CYP11A1: variants seen among roughly 807,000 people sequenced by gnomAD.
CYP11A1 encodes the protein cholesterol side-chain cleavage enzyme, mitochondrial.
CYP11A1 carries 25 observed loss-of-function variants against 51.9 expected under a neutral mutation model. The observed-to-expected ratio is 0.48, with a 90% CI of 0.35 to 0.67. The LOEUF (loss-of-function observed/expected upper bound fraction) is 0.67, where lower values mean the gene tolerates loss of function less well. Among genes scored for constraint, CYP11A1 ranks in the 30% least tolerant of loss-of-function variants. The pLI is 0.00. For synonymous variants in CYP11A1, 245 were observed against 262.1 expected (o/e 0.93, Z 0.63); for missense variants, 578 against 680.9 (o/e 0.85, Z 1.68).
intron 5 of CYP11A1, 48 bp from the exon 6 acceptor site, chr15:74,339,801 G>A (rs375917443): frequency 6.1e-5 from 98 of 1,598,808 alleles, no homozygotes; most frequent in South Asian, 3.3e-4. Context: ...CTGTCACTCC[G>A]GGGCCCCTTG....
intron 7 of CYP11A1, 104 bp from the exon 8 acceptor site, chr15:74,338,872 C>T (rs1025181635): frequency 5.9e-5 from 62 of 1,049,132 alleles, no homozygotes; most frequent in Non-Finnish European, 8.7e-5. Flanking sequence ...CACTCCCACT[C>T]CCCAGCATGG....
chr15:74,339,442 G>T (rs2060595834), intron 6 of CYP11A1, 127 bp from the exon 7 acceptor site: 7 of 1,395,380 alleles, frequency 5.0e-6, no homozygotes, highest in Admixed American at 3.7e-5. Flanking sequence ...GTAGGGCCCT[G>T]GCTCTATTTC....
chr15:74,357,812 T>C (rs1312467747), intron 1 of CYP11A1, among the ~76,000 whole-genome samples: 1 of 152,336 alleles, frequency 6.6e-6, no homozygotes, highest in South Asian at 2.1e-4. Context: ...TTAATACTTT[T>C]AGAGGCCCTC....
intron 4 of CYP11A1, among the ~76,000 whole-genome samples, 155 bp downstream of exon 4, chr15:74,343,634 C>T (rs2060618354): frequency 6.6e-6 from 1 of 152,242 alleles, no homozygotes; most frequent in South Asian, 2.1e-4. Flanking sequence ...TCCGCCATTT[C>T]CAGGGGTCCC....
chr15:74,360,329 G>T (rs2060701887), intron 1 of CYP11A1, among the ~76,000 whole-genome samples: 1 of 151,912 alleles, frequency 6.6e-6, no homozygotes, highest in East Asian at 1.9e-4. Context: ...CCCCCAGGCT[G>T]GAGTGCAGTG....
chr15:74,347,878 T>C, intron 2 of CYP11A1, 22 bp downstream of exon 2: 1 of 1,613,228 alleles, frequency 6.2e-7, no homozygotes, highest in Non-Finnish European at 8.5e-7. Context: ...CTCCAGTCCC[T>C]GGGAGATGGC....
At chr15:74,350,285 G>C (rs1423312990) in intron 1 of CYP11A1, 1 of 198,390 alleles carries the variant, frequency 5.0e-6, no homozygotes, top group Non-Finnish European at 1.2e-5. Context: ...CTTTGTGTTA[G>C]GAAAAAAACC....
At chr15:74,360,490 T>G (rs796349785) in intron 1 of CYP11A1, among the ~76,000 whole-genome samples, 2 of 151,944 alleles carry the variant, frequency 1.3e-5, no homozygotes, top group African/African-American at 4.8e-5. Context: ...TTTACCATCT[T>G]GGCTAGGCTG....
chr15:74,352,240 G>A (rs1430478432), intron 1 of CYP11A1, among the ~76,000 whole-genome samples: 1 of 143,814 alleles, frequency 7.0e-6, no homozygotes, highest in African/African-American at 2.6e-5. Flanking sequence ...CATTTTGTTT[G>A]AATTTTATGT....
rs368858668 is a variant in CYP11A1 at position 74,343,928 on chromosome 15, G to A, written c.690C>T (p.Ala230=). ...GGTAGATGGCATCAATGAATCGCTGGGCCTCGGGGTTCACTACTTCCTCCA... is the reference window on the plus strand; with the variant it reads ...GGTAGATGGCATCAATGAATCGCTGAGCCTCGGGGTTCACTACTTCCTCCA... ...GMLEEVVNPE[A]QRFIDAIYQM... is the part of the protein sequence containing the mutation. The change falls in exon 4 of 9, where the codon GCC becomes GCT. Residue 230 remains alanine, a synonymous_variant. Coordinates refer to ENST00000268053, the MANE Select transcript of CYP11A1 (RefSeq NM_000781.3). The A allele has an allele frequency of 3.1e-6, 5 of 1,613,984 alleles. No homozygotes were observed. The African/African-American group carries it at 6.7e-5, about 22-fold the overall frequency.
rs564388587 is a variant in CYP11A1 at position 74,348,661 on chromosome 15, G to A, written c.270-606C>T. 3.9e-5 allele frequency among the ~76,000 whole-genome samples: 6 copies of A among 152,258 alleles called. No homozygotes were observed. In the East Asian group the frequency reaches 1.2e-3, roughly 29 times the overall value. Reference sequence around the variant, plus strand: ...AAATAAAACTTCAGTAAAACATCAAGCCCCAACATACAGGCAGGGGAGACA... The same window carrying A: ...AAATAAAACTTCAGTAAAACATCAAACCCCAACATACAGGCAGGGGAGACA... On this transcript the variant is annotated intron_variant, in intron 1 of 8. Transcript: ENST00000268053.
In CYP11A1 at chr15:74,345,078, G is replaced by A. The variant is rs2060626107; in HGVS notation, c.591C>T (p.Asp197=). 1.2e-6 allele frequency: 2 copies of A among 1,613,998 alleles called. No individual in the cohort carries two copies. The highest frequency in any genetic ancestry group is 1.7e-6 in the Non-Finnish European group (2 of 1,179,896). ...KKAGSGNYSG[D]ISDDLFRFAF... ...CAAAGCGGAACAGGTCATCACTGAT[G>A]TCCCCCGAGTAATTTCCGGAGCCCG... The change falls in exon 3 of 9, where the codon GAC becomes GAT. Residue 197 remains aspartate, a synonymous_variant. Coordinates refer to ENST00000268053, the MANE Select transcript of CYP11A1 (RefSeq NM_000781.3). The surrounding 1 kb of genome is among the most constrained non-coding windows in gnomAD (Gnocchi z 4.3).
rs2060675298 is a variant in CYP11A1, at chr15:74,355,543, C to T, written c.270-7488G>A. 4.6e-5 allele frequency among the ~76,000 whole-genome samples: 7 copies of T among 152,088 alleles called. No individual in the cohort carries two copies. In the South Asian group the frequency reaches 1.5e-3, roughly 32 times the overall value. ...TTTCTACCGACCCATCTGACCTCTC[C>T]CCTCATCCCCAGACTGCTCCTCAGG... On this transcript the variant is annotated intron_variant, in intron 1 of 8. Transcript: ENST00000268053.
At chr15:74,339,860 C>A in intron 5 of CYP11A1, 107 bp from the exon 6 acceptor site, 1 of 1,083,682 alleles carries the variant, frequency 9.2e-7, no homozygotes. Flanking sequence ...CCTCTTTCTC[C>A]CCGAACCCCA....
chr15:74,364,454 C>T (rs2060722500), intron 1 of CYP11A1: 1 of 152,204 alleles, frequency 6.6e-6, no homozygotes, highest in African/African-American at 2.4e-5. Context: ...AACTTGAATA[C>T]TTCATCCTCT....
At position 74,339,694 on chromosome 15, in the gene CYP11A1, AT is replaced by A; in HGVS notation, c.1049del (p.Asp350ValfsTer36). On this transcript the variant is annotated frameshift_variant, in exon 6 of 9. Transcript: ENST00000268053. LOFTEE classifies it high-confidence loss of function. ...CAGCCAAGACCTCTGCCCGCAGCAT[AT>A]CCTGCACCTTCAGGTTGCGTGCCAT... ...YEMARNLKVQ[D>X]MLRAEVLAAR... 1 of 1,614,086 alleles carries A rather than the reference AT, an allele frequency of 6.2e-7. No individual in the cohort carries two copies. The highest frequency in any genetic ancestry group is 8.5e-7 in the Non-Finnish European group (1 of 1,180,008).
intron 1 of CYP11A1, chr15:74,350,140 G>A: frequency 2.5e-6 from 1 of 401,174 alleles, no homozygotes; most frequent in South Asian, 2.0e-5. Context: ...GACAACATAA[G>A]CAGCATATGT....
chr15:74,337,826 A>C lies in CYP11A1; in HGVS notation c.*146T>G, dbSNP rs2060585716. 2.0e-6 allele frequency: 2 copies of C among 1,006,198 alleles called. No homozygotes were observed. Among genetic ancestry groups the C allele is most frequent in the South Asian group, 1.4e-5 (1 of 73,530 alleles). 62.3% of individuals were successfully genotyped at this position (1,006,198 alleles called of 1,614,324 possible). Reference sequence around the variant, plus strand: ...GAGGAGTGGCCCAGCTGAGCTGAGGAAGGTGACCACTGAGAACCCATTCAA... The same window carrying C: ...GAGGAGTGGCCCAGCTGAGCTGAGGCAGGTGACCACTGAGAACCCATTCAA... On this transcript the variant is annotated 3_prime_UTR_variant, in exon 9 of 9. Transcript: ENST00000268053.
intron 1 of CYP11A1, among the ~76,000 whole-genome samples, chr15:74,355,524 C>T (rs1299777063): frequency 6.6e-6 from 1 of 152,136 alleles, no homozygotes; most frequent in African/African-American, 2.4e-5. Context: ...TCCTTTTCTA[C>T]CGACCCATCT....
Sources: allele counts gnomAD v4.1 joint callset (sites outside exome capture counted in the v4.1 genomes callset), GRCh38; gene constraint gnomAD v4.1.1; non-coding constraint Gnocchi (gnomAD v3.1); transcripts MANE v1.5; gene names NCBI Gene and HGNC (gene_info 2026-07-23, HGNC 2026-07-21).